Variants in PDE4B observed in about 807,000 individuals in gnomAD.
PDE4B encodes 3',5'-cyclic-AMP phosphodiesterase 4B.
In PDE4B, 20 loss-of-function variants were observed where a neutral mutation model predicts 82.2. The observed-to-expected ratio is 0.24, with a 90% CI of 0.17 to 0.35. PDE4B has a LOEUF of 0.35. PDE4B is among the 10% of genes least tolerant of loss of function. PDE4B has a pLI of 1.00. For missense variants in PDE4B, 655 were observed against 907.2 expected, an observed-to-expected ratio of 0.72 and a Z score of 3.57; for synonymous variants, 320 against 318.9, an observed-to-expected ratio of 1.00 and a Z score of -0.04.
chr1:66,033,714 G>GAAGA (rs1553135473), intron 3 of PDE4B, among the ~76,000 whole-genome samples: 1 of 137,440 alleles, frequency 7.3e-6, no homozygotes, highest in Non-Finnish European at 1.6e-5. Flanking sequence ...GCACCAAATT[G>GAAGA]AAAAAAAAAA....
chr1:66,362,539 C>T (rs1662863788), intron 10 of PDE4B, among the ~76,000 whole-genome samples: 1 of 152,144 alleles, frequency 6.6e-6, no homozygotes, highest in Non-Finnish European at 1.5e-5. Context: ...TGGATAGTTA[C>T]TAAGAATGAA....
At chr1:66,219,813 G>T (rs1016572658) in intron 3 of PDE4B, among the ~76,000 whole-genome samples, 2 of 152,192 alleles carry the variant, frequency 1.3e-5, no homozygotes, top group African/African-American at 4.8e-5. Flanking sequence ...GAGCCACATT[G>T]TTAACAATAA....
chr1:66,253,043 A>G (rs1040246380), intron 4 of PDE4B, among the ~76,000 whole-genome samples: 1 of 152,242 alleles, frequency 6.6e-6, no homozygotes, highest in Non-Finnish European at 1.5e-5. Context: ...CTATAACTCA[A>G]TAACTAATCT....
At position 66,222,873 on chromosome 1, in the gene PDE4B, A is replaced by G. The variant is rs192914845; in HGVS notation, c.282-24587A>G. Among the ~76,000 whole-genome samples the G allele has an allele frequency of 7.9e-5, 12 of 152,334 alleles. No individual in the cohort carries two copies. In the East Asian group the frequency reaches 2.1e-3, roughly 27 times the overall value. ...ATTAGTAAAAGCCTTTCTCCTTGGG[A>G]AAAGAAAAATTGGCATCTTAATGGC... On this transcript the variant is annotated intron_variant, in intron 3 of 16. Coordinates refer to ENST00000341517, the MANE Select transcript of PDE4B (RefSeq NM_002600.4).
chr1:66,276,543 G>A (rs1166367047), intron 7 of PDE4B, among the ~76,000 whole-genome samples: 2 of 152,150 alleles, frequency 1.3e-5, no homozygotes, highest in Non-Finnish European at 2.9e-5. Context: ...CATACTAGAG[G>A]ACTTTCTTTA....
chr1:65,835,205 A>T (rs1296549822), intron 1 of PDE4B, among the ~76,000 whole-genome samples: 1 of 152,170 alleles, frequency 6.6e-6, no homozygotes. Flanking sequence ...TTTTTCTGGT[A>T]TGCCTGCTTT....
Position 65,900,320 on chromosome 1 carries a change from G to A in PDE4B, c.-70-12925G>A, listed in dbSNP as rs570135276. Among the ~76,000 whole-genome samples, 5 of 152,044 alleles carry A rather than the reference G, an allele frequency of 3.3e-5. No homozygotes were observed. In the East Asian group the frequency reaches 7.7e-4, roughly 24 times the overall value. On this transcript the variant is annotated intron_variant, in intron 1 of 16. Coordinates refer to ENST00000341517, the MANE Select transcript of PDE4B (RefSeq NM_002600.4). ...TCTATTCTGTTCCATTGGTATATGT[G>A]TCTGTTTTTGTTTGGGTACCATGTT...
chr1:65,980,812 A>G (rs1189636339), intron 3 of PDE4B, among the ~76,000 whole-genome samples: 1 of 152,214 alleles, frequency 6.6e-6, no homozygotes, highest in Non-Finnish European at 1.5e-5. Context: ...AGTACTTTAT[A>G]GTATCTTCTA....
chr1:65,912,663 A>T (rs765604029), intron 1 of PDE4B, among the ~76,000 whole-genome samples: 1 of 152,236 alleles, frequency 6.6e-6, no homozygotes, highest in Non-Finnish European at 1.5e-5. Flanking sequence ...TATGCAATAG[A>T]CATATGAGAG....
intron 7 of PDE4B, among the ~76,000 whole-genome samples, chr1:66,269,350 T>C (rs935347958): frequency 2.0e-5 from 3 of 152,202 alleles, no homozygotes; most frequent in African/African-American, 4.8e-5. Flanking sequence ...GGAAGCCATA[T>C]GCTCCCAGGT....
chr1:66,231,914 A>G (rs376207525), intron 3 of PDE4B, among the ~76,000 whole-genome samples: 1 of 152,230 alleles, frequency 6.6e-6, no homozygotes, highest in East Asian at 1.9e-4. Flanking sequence ...GGATTGTGAC[A>G]GTTCCTCAAG....
At chr1:65,870,272 T>C (rs1282043974) in intron 1 of PDE4B, among the ~76,000 whole-genome samples, 1 of 152,188 alleles carries the variant, frequency 6.6e-6, no homozygotes, top group Non-Finnish European at 1.5e-5. Context: ...AACATATTCA[T>C]TCTTAGATGT....
At chr1:66,257,248 G>A (rs1404603150) in intron 4 of PDE4B, 1 of 227,380 alleles carries the variant, frequency 4.4e-6, no homozygotes, top group African/African-American at 2.3e-5. Context: ...CCTTTATCCA[G>A]ACTGTTATAC....
intron 3 of PDE4B, among the ~76,000 whole-genome samples, chr1:66,224,486 A>G (rs1201974733): frequency 6.6e-6 from 1 of 152,184 alleles, no homozygotes; most frequent in Admixed American, 6.5e-5. Flanking sequence ...TGGGAGGCCG[A>G]GGCAGGTGGA....
chr1:66,268,089 A>T (rs1348022503), intron 7 of PDE4B, among the ~76,000 whole-genome samples: 3 of 152,216 alleles, frequency 2.0e-5, no homozygotes, highest in Non-Finnish European at 4.4e-5. Flanking sequence ...CTAAGATAAA[A>T]GGTACAAGAA....
intron 7 of PDE4B, among the ~76,000 whole-genome samples, chr1:66,281,981 C>A (rs187393434): frequency 6.6e-6 from 1 of 152,268 alleles, no homozygotes; most frequent in East Asian, 1.9e-4. Flanking sequence ...TTGTTTGGCT[C>A]AGAAGCCTGT....
chr1:66,204,812 T>C (rs1649407279), intron 3 of PDE4B, among the ~76,000 whole-genome samples: 1 of 152,256 alleles, frequency 6.6e-6, no homozygotes, highest in Non-Finnish European at 1.5e-5. Context: ...AGGCAATGCC[T>C]TGCCCTGCTT....
intron 3 of PDE4B, among the ~76,000 whole-genome samples, chr1:66,096,575 TATCTC>T (rs1645126030): frequency 7.0e-6 from 1 of 141,866 alleles, no homozygotes; most frequent in Non-Finnish European, 1.5e-5. Flanking sequence ...AAAATTTAAA[TATCTC>T]ATTAATAATT....
chr1:66,210,333 C>T (rs753462343), intron 3 of PDE4B, among the ~76,000 whole-genome samples: 14 of 152,062 alleles, frequency 9.2e-5, no homozygotes, highest in Non-Finnish European at 1.6e-4. Context: ...CATAGTGGCT[C>T]ACGCCTGTAA....
Sources: gnomAD v4.1 joint callset for allele counts (sites outside exome capture counted in the v4.1 genomes callset) on GRCh38, gnomAD v4.1.1 for gene constraint, MANE v1.5 for transcripts, NCBI Gene and HGNC (gene_info 2026-07-23, HGNC 2026-07-21) for gene names.